Variants in ALDH18A1 observed in about 807,000 individuals in gnomAD.
ALDH18A1 encodes the protein delta-1-pyrroline-5-carboxylate synthase.
A neutral mutation model predicts 88.8 loss-of-function variants in ALDH18A1; 44 were observed. That is an observed-to-expected ratio of 0.50 (90% confidence interval 0.39 to 0.64). The LOEUF is 0.64. Among genes scored for constraint, ALDH18A1 ranks in the 30% least tolerant of loss-of-function variants. The pLI is 0.00. For synonymous variants in ALDH18A1, 331 were observed against 372.1 expected (o/e 0.89, Z 1.27); for missense variants, 782 against 1,009.5 (o/e 0.77, Z 3.05).
chr10:95,646,699 G>C (rs2097901884), intron 2 of ALDH18A1, among the ~76,000 whole-genome samples: 1 of 152,268 alleles, frequency 6.6e-6, no homozygotes, highest in Non-Finnish European at 1.5e-5. Flanking sequence ...GGCTTCTAGA[G>C]AAATAATTGT....
chr10:95,644,185 GT>G (rs1326722443), intron 2 of ALDH18A1, among the ~76,000 whole-genome samples: 2 of 152,284 alleles, frequency 1.3e-5, no homozygotes, highest in South Asian at 4.1e-4. Flanking sequence ...AGCAAAGACA[GT>G]AAAGAACAAA....
At chr10:95,633,709 T>C (rs1159381149) in intron 5 of ALDH18A1, 60 bp from the exon 6 acceptor site, 11 of 1,579,868 alleles carry the variant, frequency 7.0e-6, no homozygotes, top group East Asian at 4.6e-5. Context: ...CTTCCCAGTA[T>C]ACAAAAGACG....
chr10:95,655,588 C>T (rs1235590746), intron 1 of ALDH18A1, among the ~76,000 whole-genome samples: 2 of 149,862 alleles, frequency 1.3e-5, no homozygotes, highest in Non-Finnish European at 3.0e-5. Context: ...AACCAAGCCT[C>T]CTGACCTCTC....
At position 95,613,815 on chromosome 10, in the gene ALDH18A1, G is replaced by T; in HGVS notation, c.1850C>A (p.Thr617Asn). 1 of 1,614,026 alleles carries T rather than the reference G, an allele frequency of 6.2e-7. No homozygotes were observed. The highest frequency in any genetic ancestry group is 2.2e-5 in the East Asian group (1 of 44,882). Residue 617 changes from threonine (T) to asparagine (N), a missense_variant, in exon 15 of 18, where the codon ACT becomes AAT. Thr to Asn is a moderately conservative substitution (Grantham distance 65, BLOSUM62 0). Transcript: ENST00000371224. ...EYPAACNALE[T>N]LLIHRDLLRT... The stretch of plus-strand genomic sequence containing the variant: ...GAGCAGATCCCGGTGGATTAACAAA[G>T]TCTCCAAAGCATTACAGGCAGCTGG...
At chr10:95,609,527 C>T (rs1453414351) in intron 17 of ALDH18A1, among the ~76,000 whole-genome samples, 1 of 152,190 alleles carries the variant, frequency 6.6e-6, no homozygotes, top group African/African-American at 2.4e-5. Flanking sequence ...CTGTGGTTGC[C>T]CACGCTGTAG....
At chr10:95,634,127 T>C (rs1385046211) in intron 5 of ALDH18A1, among the ~76,000 whole-genome samples, 2 of 152,214 alleles carry the variant, frequency 1.3e-5, no homozygotes, top group Non-Finnish European at 2.9e-5. Context: ...GAAAGATTTA[T>C]TTAAGAATGT....
At chr10:95,638,305 G>A (rs1049063593) in intron 3 of ALDH18A1, among the ~76,000 whole-genome samples, 13 of 152,160 alleles carry the variant, frequency 8.5e-5, no homozygotes, top group Non-Finnish European at 1.5e-4. Flanking sequence ...TTACAGACAT[G>A]AGCCACCATG....
intron 12 of ALDH18A1, among the ~76,000 whole-genome samples, chr10:95,619,742 G>C (rs903921907): frequency 3.3e-5 from 5 of 152,106 alleles, no homozygotes; most frequent in Admixed American, 2.6e-4. Context: ...CATATGTAGA[G>C]AGCTGAAACT....
intron 12 of ALDH18A1, among the ~76,000 whole-genome samples, chr10:95,619,254 G>A (rs1315591165): frequency 4.6e-5 from 7 of 152,092 alleles, no homozygotes; most frequent in Non-Finnish European, 8.8e-5. Flanking sequence ...CCTCTTCAAG[G>A]AGAACTACAA....
At chr10:95,650,727 T>C (rs1042561875) in intron 2 of ALDH18A1, among the ~76,000 whole-genome samples, 4 of 152,278 alleles carry the variant, frequency 2.6e-5, no homozygotes, top group East Asian at 1.9e-4. Context: ...CTTTTCTTTA[T>C]ACATTACCCA....
At chr10:95,610,772 G>A (rs1224384320) in intron 16 of ALDH18A1, among the ~76,000 whole-genome samples, 2 of 152,148 alleles carry the variant, frequency 1.3e-5, no homozygotes, top group African/African-American at 4.8e-5. Flanking sequence ...CTGTTAATAC[G>A]GGTGGTACTG....
At chr10:95,647,093 A>G (rs567552256) in intron 2 of ALDH18A1, among the ~76,000 whole-genome samples, 4 of 152,064 alleles carry the variant, frequency 2.6e-5, no homozygotes, top group African/African-American at 9.6e-5. Context: ...TATCATGGTC[A>G]GTGAAAGAGC....
chr10:95,652,900 T>C (rs2097912595), intron 2 of ALDH18A1, among the ~76,000 whole-genome samples: 1 of 151,796 alleles, frequency 6.6e-6, no homozygotes, highest in Non-Finnish European at 1.5e-5. Flanking sequence ...TAAACCTTTT[T>C]TCTTGGCTGG....
chr10:95,616,434 C>G (rs1183529399), intron 13 of ALDH18A1, 43 bp downstream of exon 13: 1 of 1,552,486 alleles, frequency 6.4e-7, no homozygotes, highest in African/African-American at 1.4e-5. Flanking sequence ...AACACCTGAT[C>G]TGGCCCCTCT....
chr10:95,655,340 G>A (rs918225419), intron 1 of ALDH18A1, among the ~76,000 whole-genome samples: 2 of 152,108 alleles, frequency 1.3e-5, no homozygotes, highest in Non-Finnish European at 2.9e-5. Context: ...ACAACAAATG[G>A]TCAGTAAATG....
chr10:95,614,007 T>C lies in ALDH18A1; in HGVS notation c.1760A>G (p.Tyr587Cys). 2 of 1,614,210 alleles carry C rather than the reference T, an allele frequency of 1.2e-6. No homozygotes were observed. Among genetic ancestry groups the C allele is most frequent in the East Asian group, 2.2e-5 (1 of 44,882 alleles). The change falls in exon 14 of 18, where the codon TAT (tyrosine) becomes TGT (cysteine). Residue 587 changes from tyrosine to cysteine, a missense_variant. This residue lies in a region of ALDH18A1 where 556 missense variants were observed against 654.5 expected (regional missense o/e 0.85). Coordinates refer to ENST00000371224, the MANE Select transcript of ALDH18A1 (RefSeq NM_002860.4). ...ATCAACACTGGCCTCGGAATCCACA[T>C]ACATGTGACAGATCCCTTCGCTGTG... is the stretch of plus-strand genomic sequence containing the variant. Reference protein sequence around the residue: ...MGHSEGICHMYVDSEASVDKV... With the variant: ...MGHSEGICHMCVDSEASVDKV...
intron 12 of ALDH18A1, among the ~76,000 whole-genome samples, chr10:95,618,974 A>T (rs2097848076): frequency 6.6e-6 from 1 of 152,242 alleles, no homozygotes; most frequent in Non-Finnish European, 1.5e-5. Context: ...TCAAGAACGT[A>T]TATTACCTCA....
intron 2 of ALDH18A1, among the ~76,000 whole-genome samples, chr10:95,649,810 C>T (rs537649734): frequency 2.2e-4 from 33 of 151,482 alleles, no homozygotes; most frequent in Admixed American, 6.6e-4. Flanking sequence ...GAGCCTGGGA[C>T]GTTGAGGCTG....
intron 15 of ALDH18A1, 45 bp downstream of exon 15, chr10:95,613,697 G>C (rs755562307): frequency 2.5e-6 from 4 of 1,611,962 alleles, no homozygotes; most frequent in Non-Finnish European, 2.5e-6. Context: ...AATTCCACAG[G>C]CTTCTAAGAC....
Sources: allele counts gnomAD v4.1 joint callset (sites outside exome capture counted in the v4.1 genomes callset), GRCh38; gene constraint gnomAD v4.1.1; regional missense constraint gnomAD v4.1.1; transcripts MANE v1.5; gene names NCBI Gene and HGNC (gene_info 2026-07-23, HGNC 2026-07-21).